GARNL3: variants seen among roughly 807,000 people sequenced by gnomAD.
GARNL3 encodes the protein GTPase-activating Rap/Ran-GAP domain-like protein 3.
GARNL3 carries 63 observed loss-of-function variants against 125.0 expected under a neutral mutation model. That is an observed-to-expected ratio of 0.50 (90% CI 0.41 to 0.62). The LOEUF is 0.62. Ranked by LOEUF, GARNL3 falls within the 20% of genes least tolerant of loss-of-function variation. The pLI, the probability that GARNL3 is intolerant of heterozygous loss-of-function variation, is 0.00. For missense variants in GARNL3, 994 were observed against 1,244.0 expected (o/e 0.80, Z 3.02); for synonymous variants, 439 against 457.5 (o/e 0.96, Z 0.52).
chr9:127,300,840 G>A (rs936251282), intron 2 of GARNL3: 6 of 356,476 alleles, frequency 1.7e-5, no homozygotes, highest in Admixed American at 8.1e-5. Flanking sequence ...AGCAACATTA[G>A]GCATGTATTT....
intron 2 of GARNL3, among the ~76,000 whole-genome samples, chr9:127,291,812 G>A (rs1409574323): frequency 4.5e-5 from 6 of 132,730 alleles, no homozygotes; most frequent in South Asian, 5.1e-4. Flanking sequence ...GCAAAAACTC[G>A]CCAGCCTTTT....
At chr9:127,244,786 A>G (rs2063266675) in intron 2 of GARNL3, among the ~76,000 whole-genome samples, 1 of 152,238 alleles carries the variant, frequency 6.6e-6, no homozygotes, top group East Asian at 1.9e-4. Context: ...TGGTCAGTTG[A>G]TTCTTAAGGG....
rs1336004870 is a variant in GARNL3, at chr9:127,364,995, A to G, written c.2095-305A>G. ...TGGCATATAAACCTGAGGCATTTCA[A>G]TAGAGAGAGGAGACATACCAAACAC... On this transcript the variant is annotated intron_variant, in intron 21 of 27. Transcript: ENST00000373387. This position sits in a 1 kb window ranked among gnomAD's most constrained non-coding sequence, Gnocchi z 4.2. 5 of 329,244 alleles carry G rather than the reference A, an allele frequency of 1.5e-5. No individual in the cohort carries two copies. Among genetic ancestry groups the G allele is most frequent in the Non-Finnish European group, 2.8e-5 (5 of 181,478 alleles). 20.4% of individuals were successfully genotyped at this position (329,244 alleles called of 1,614,324 possible).
At chr9:127,370,667 A>C (rs1193323477) in intron 22 of GARNL3, among the ~76,000 whole-genome samples, 1 of 152,180 alleles carries the variant, frequency 6.6e-6, no homozygotes, top group Non-Finnish European at 1.5e-5. Flanking sequence ...TCTCCTTTTC[A>C]GACTTCCTTC....
chr9:127,263,082 A>T (rs2063626063), upstream of GARNL3, among the ~76,000 whole-genome samples: 1 of 152,326 alleles, frequency 6.6e-6, no homozygotes, highest in Non-Finnish European at 1.5e-5. Flanking sequence ...AGAGAAGGCA[A>T]CACATAGTGG....
At position 127,298,534 on chromosome 9, in the gene GARNL3, C is replaced by G. The variant is rs140040430; in HGVS notation, c.219+7292C>G. On this transcript the variant is annotated intron_variant, in intron 2 of 27. Coordinates refer to ENST00000373387, the MANE Select transcript of GARNL3 (RefSeq NM_032293.5). Reference sequence around the variant, plus strand: ...TTTAACTCTATGCATAATACTCTACCACGTGATACACCATCACTTCTTTAT... The same window carrying G: ...TTTAACTCTATGCATAATACTCTACGACGTGATACACCATCACTTCTTTAT... Among the ~76,000 whole-genome samples the G allele has an allele frequency of 3.6e-3, 545 of 152,282 alleles. 2 individuals are homozygous for G. Among genetic ancestry groups the G allele is most frequent in the African/African-American group, 0.013 (530 of 41,544 alleles).
intron 10 of GARNL3, among the ~76,000 whole-genome samples, chr9:127,335,878 G>GA (rs984570718): frequency 5.3e-5 from 8 of 152,028 alleles, no homozygotes; most frequent in African/African-American, 9.7e-5. Flanking sequence ...ACCAGGCTGG[G>GA]AAAAAACCTC....
At chr9:127,371,050 G>C (rs1831578248) in intron 22 of GARNL3, among the ~76,000 whole-genome samples, 1 of 152,152 alleles carries the variant, frequency 6.6e-6, no homozygotes, top group African/African-American at 2.4e-5. Context: ...CAGTGCAAGG[G>C]CAGCACCTTC....
At position 127,348,905 on chromosome 9, in the gene GARNL3, T is replaced by C. The variant is rs1432779457; in HGVS notation, c.1432-19T>C. 6.4e-6 allele frequency: 10 copies of C among 1,560,728 alleles called. No individual in the cohort carries two copies. Among genetic ancestry groups the C allele is most frequent in the African/African-American group, 2.7e-5 (2 of 73,400 alleles). ...TTTTTCTGGTGCACTTATCTTCCGA[T>C]GCTTGTATTGCCTCACAGCCGTGGG... On this transcript the variant is annotated intron_variant, in intron 16 of 27. Coordinates refer to ENST00000373387, the MANE Select transcript of GARNL3 (RefSeq NM_032293.5).
At chr9:127,336,043 G>C in intron 10 of GARNL3, 85 bp from the exon 11 acceptor site, 1 of 975,026 alleles carries the variant, frequency 1.0e-6, no homozygotes, top group Non-Finnish European at 1.6e-6. Flanking sequence ...GCTGTGGTTT[G>C]TTATATTGGG....
intron 2 of GARNL3, among the ~76,000 whole-genome samples, chr9:127,245,110 A>G (rs1000352358): frequency 3.3e-5 from 5 of 152,210 alleles, no homozygotes; most frequent in Non-Finnish European, 5.9e-5. Flanking sequence ...GGTTGGAGGT[A>G]ACCTGAGGAC....
At chr9:127,317,080 A>G (rs2065260424) in intron 4 of GARNL3, among the ~76,000 whole-genome samples, 1 of 152,182 alleles carries the variant, frequency 6.6e-6, no homozygotes, top group Admixed American at 6.5e-5. Flanking sequence ...TCCTAAATCT[A>G]TGTCACCTCT....
At chr9:127,321,460 C>T (rs1425709967) in intron 6 of GARNL3, among the ~76,000 whole-genome samples, 3 of 152,248 alleles carry the variant, frequency 2.0e-5, no homozygotes, top group Middle Eastern at 3.4e-3. Context: ...AAATACAAAA[C>T]GTGGTCGATT....
rs147307933 is a variant in GARNL3, at chr9:127,350,639, G to C, written c.1543+1604G>C. Among the ~76,000 whole-genome samples, 911 of 152,054 alleles carry C rather than the reference G, an allele frequency of 6.0e-3. 9 individuals are homozygous for C. Among genetic ancestry groups the C allele is most frequent in the African/African-American group, 0.021 (877 of 41,454 alleles). ...AAAAATACAAAAATTAGCCGGATGT[G>C]GTGGCGGATGCCTGTAGTCCCAGCT... On this transcript the variant is annotated intron_variant, in intron 17 of 27. Transcript: ENST00000373387.
intron 2 of GARNL3, among the ~76,000 whole-genome samples, chr9:127,252,282 G>T (rs1043666919): frequency 6.6e-6 from 1 of 152,114 alleles, no homozygotes; most frequent in South Asian, 2.1e-4. Flanking sequence ...CTTCCCTCAT[G>T]GTTATGTTCC....
intron 1 of GARNL3, among the ~76,000 whole-genome samples, chr9:127,227,964 G>C: frequency 1.3e-5 from 2 of 152,208 alleles, no homozygotes; most frequent in Admixed American, 1.3e-4. Flanking sequence ...GAAGAAATCT[G>C]AAAAATCAAG....
intron 13 of GARNL3, among the ~76,000 whole-genome samples, chr9:127,340,854 T>C (rs2131605028): frequency 6.6e-6 from 1 of 152,178 alleles, no homozygotes; most frequent in Middle Eastern, 3.4e-3. Context: ...CAGTCACTCC[T>C]TCACAGTCCC....
chr9:127,344,783 A>G (rs940798765), intron 15 of GARNL3, among the ~76,000 whole-genome samples: 5 of 152,164 alleles, frequency 3.3e-5, no homozygotes, highest in African/African-American at 1.2e-4. Context: ...CCAAGTCACC[A>G]CCAAGTTAGG....
At chr9:127,297,607 G>A (rs1044491314) in intron 2 of GARNL3, among the ~76,000 whole-genome samples, 2 of 152,152 alleles carry the variant, frequency 1.3e-5, no homozygotes, top group Non-Finnish European at 2.9e-5. Context: ...TGTTGATATA[G>A]GCACATAGAC....
Sources: gnomAD v4.1 joint callset for allele counts (sites outside exome capture counted in the v4.1 genomes callset) on GRCh38, gnomAD v4.1.1 for gene constraint, Gnocchi (gnomAD v3.1) non-coding constraint, MANE v1.5 for transcripts, NCBI Gene and HGNC (gene_info 2026-07-23, HGNC 2026-07-21) for gene names.